SPPL3: variants seen among roughly 807,000 people sequenced by gnomAD.
SPPL3 encodes the protein signal peptide peptidase like 3.
Under a neutral mutation model 42.4 loss-of-function variants are expected in SPPL3, and 5 were observed. That is an observed-to-expected ratio of 0.12 (90% confidence interval 0.06 to 0.25). The LOEUF is 0.25. SPPL3 is among the 10% of genes least tolerant of loss of function. The probability of loss-of-function intolerance (pLI) is 1.00; values close to 1 mark genes in which losing one functional copy is unlikely to be tolerated. For synonymous variants in SPPL3, 195 were observed against 181.8 expected (o/e 1.07, Z -0.58); for missense variants, 235 against 489.0 (o/e 0.48, Z 4.90).
At chr12:120,810,386 G>GA (rs60411502) in intron 2 of SPPL3, among the ~76,000 whole-genome samples, 36,092 of 148,642 alleles carry the variant, frequency 0.24, 5,456 homozygotes, top group African/African-American at 0.42. Flanking sequence ...TTTTTGGTTA[G>GA]AAAAAAAAAA....
chr12:120,793,119 C>G lies in SPPL3; in HGVS notation c.102-1562G>C, dbSNP rs138976799. Among the ~76,000 whole-genome samples the G allele has an allele frequency of 2.8e-3, 419 of 152,268 alleles. 4 individuals are homozygous for G. Among genetic ancestry groups the G allele is most frequent in the African/African-American group, 9.9e-3 (412 of 41,540 alleles). ...CCTGATTTTAAAATGAACAAAGGAT[C>G]TGAAGAGACATTTCTTCAAAGAAGA... On this transcript the variant is annotated intron_variant, in intron 2 of 10. Coordinates refer to ENST00000353487, the MANE Select transcript of SPPL3 (RefSeq NM_139015.5).
intron 3 of SPPL3, among the ~76,000 whole-genome samples, chr12:120,787,792 AT>A (rs908515523): frequency 3.2e-4 from 48 of 152,156 alleles, no homozygotes; most frequent in African/African-American, 1.1e-3. Flanking sequence ...TTATGTAGTT[AT>A]TTTTTTGTGT....
At chr12:120,887,456 C>G (rs542371733) in intron 1 of SPPL3, among the ~76,000 whole-genome samples, 1 of 152,278 alleles carries the variant, frequency 6.6e-6, no homozygotes, top group South Asian at 2.1e-4. Flanking sequence ...ACCAAACCTT[C>G]AGTCATGAAA....
chr12:120,861,673 C>T (rs1166831885), intron 1 of SPPL3, among the ~76,000 whole-genome samples: 1 of 152,200 alleles, frequency 6.6e-6, no homozygotes, highest in African/African-American at 2.4e-5. Context: ...ACTGATATTA[C>T]TCAGTATACA....
chr12:120,786,301 C>T (rs1186259489), intron 3 of SPPL3, among the ~76,000 whole-genome samples: 7 of 152,188 alleles, frequency 4.6e-5, no homozygotes, highest in Admixed American at 4.6e-4. Context: ...TCTATGAAAT[C>T]TCTAACTAAA....
chr12:120,831,724 T>G (rs1459116598), intron 1 of SPPL3, among the ~76,000 whole-genome samples: 1 of 152,240 alleles, frequency 6.6e-6, no homozygotes, highest in Non-Finnish European at 1.5e-5. Flanking sequence ...TGTAGTTCTG[T>G]AGTTCCTTAT....
intron 3 of SPPL3, among the ~76,000 whole-genome samples, chr12:120,789,299 C>T (rs1032528545): frequency 2.0e-5 from 3 of 151,222 alleles, no homozygotes; most frequent in Non-Finnish European, 4.4e-5. Flanking sequence ...ACTAAAAATA[C>T]AAAAATTAGC....
At chr12:120,787,723 C>T (rs3901854) in intron 3 of SPPL3, among the ~76,000 whole-genome samples, 59,790 of 151,976 alleles carry the variant, frequency 0.39, 13,910 homozygotes, top group Middle Eastern at 0.56. Context: ...ACGTTTTCCA[C>T]CCAAGCACGC....
chr12:120,821,029 T>C lies in SPPL3; in HGVS notation c.24-10143A>G, dbSNP rs190933424. On this transcript the variant is annotated intron_variant, in intron 1 of 10. Transcript: ENST00000353487. ...TTAATATTTTATATTTTACCAAGAC[T>C]AATACAATGAAAAAATGATTACTTC... Among the ~76,000 whole-genome samples, 6 of 152,278 alleles carry C rather than the reference T, an allele frequency of 3.9e-5. No homozygotes were observed. In the South Asian group the frequency reaches 6.2e-4, roughly 16 times the overall value.
intron 1 of SPPL3, chr12:120,811,419 T>C (rs971625555): frequency 6.6e-6 from 1 of 152,334 alleles, no homozygotes; most frequent in African/African-American, 2.4e-5. Flanking sequence ...ACTCTCTCCA[T>C]CTTAGCTGAT....
chr12:120,793,175 A>G (rs1328257898), intron 2 of SPPL3, among the ~76,000 whole-genome samples: 1 of 152,216 alleles, frequency 6.6e-6, no homozygotes, highest in African/African-American at 2.4e-5. Flanking sequence ...CCATGAAAAG[A>G]TGTTCAACAC....
At chr12:120,809,145 A>T (rs1294891136) in intron 2 of SPPL3, among the ~76,000 whole-genome samples, 1 of 152,166 alleles carries the variant, frequency 6.6e-6, no homozygotes, top group Non-Finnish European at 1.5e-5. Context: ...GGAGATAGAG[A>T]CCATCCTGGC....
intron 2 of SPPL3, among the ~76,000 whole-genome samples, chr12:120,805,564 C>T (rs1293214347): frequency 6.6e-6 from 1 of 152,168 alleles, no homozygotes; most frequent in Non-Finnish European, 1.5e-5. Context: ...AAAGCAGCAG[C>T]AAAACTGCCT....
chr12:120,819,098 G>A (rs1870972169), intron 1 of SPPL3, among the ~76,000 whole-genome samples: 1 of 152,156 alleles, frequency 6.6e-6, no homozygotes, highest in African/African-American at 2.4e-5. Context: ...TGGAAAAGAA[G>A]GAGTACTTCA....
intron 1 of SPPL3, among the ~76,000 whole-genome samples, chr12:120,818,383 C>A (rs1036629540): frequency 6.6e-6 from 1 of 152,150 alleles, no homozygotes; most frequent in Non-Finnish European, 1.5e-5. Context: ...TTCCTGCAAG[C>A]CTTTACCTTA....
intron 6 of SPPL3, among the ~76,000 whole-genome samples, chr12:120,777,339 A>G (rs1378601088): frequency 6.6e-6 from 1 of 152,228 alleles, no homozygotes; most frequent in Non-Finnish European, 1.5e-5. Context: ...AATAATTATC[A>G]TGATCAAGAT....
At chr12:120,792,799 T>G (rs1288167975) in intron 2 of SPPL3, among the ~76,000 whole-genome samples, 2 of 151,932 alleles carry the variant, frequency 1.3e-5, no homozygotes, top group African/African-American at 4.8e-5. Flanking sequence ...AGCCACATCA[T>G]GTGATCACTG....
At chr12:120,855,155 G>C (rs1872408893) in intron 1 of SPPL3, among the ~76,000 whole-genome samples, 2 of 152,092 alleles carry the variant, frequency 1.3e-5, no homozygotes, top group Non-Finnish European at 2.9e-5. Context: ...AGAATGACGA[G>C]AGAAGGGGAC....
At chr12:120,766,992 A>G (rs1161989449) in intron 9 of SPPL3, among the ~76,000 whole-genome samples, 1 of 152,244 alleles carries the variant, frequency 6.6e-6, no homozygotes, top group African/African-American at 2.4e-5. Context: ...CCTACACATG[A>G]GCTGGCTACA....
Sources: allele counts gnomAD v4.1 joint callset (sites outside exome capture counted in the v4.1 genomes callset), GRCh38; gene constraint gnomAD v4.1.1; transcripts MANE v1.5; gene names NCBI Gene and HGNC (gene_info 2026-07-23, HGNC 2026-07-21).